AP3B1: variants seen among roughly 807,000 people sequenced by gnomAD.
AP3B1 encodes adaptor related protein complex 3 subunit beta 1, also known as AP-3 complex subunit beta-1.
Under a neutral mutation model 132.5 loss-of-function variants are expected in AP3B1, and 61 were observed. The observed-to-expected ratio is 0.46, with a 90% CI of 0.37 to 0.57. The LOEUF (loss-of-function observed/expected upper bound fraction) is 0.57. AP3B1 is among the 20% of genes least tolerant of loss of function. The pLI is 0.00. For synonymous variants in AP3B1, 388 were observed against 438.3 expected, an observed-to-expected ratio of 0.89 and a Z score of 1.43; for missense variants, 1,120 against 1,289.4, an observed-to-expected ratio of 0.87 and a Z score of 2.01.
intron 3 of AP3B1, among the ~76,000 whole-genome samples, chr5:78,230,099 T>C (rs1746579956): frequency 1.3e-5 from 2 of 152,168 alleles, no homozygotes; most frequent in African/African-American, 4.8e-5. Context: ...TCCACAGATA[T>C]GACTAATTCT....
At chr5:78,102,123 TAATA>T (rs1401952893) in intron 20 of AP3B1, among the ~76,000 whole-genome samples, 1 of 152,126 alleles carries the variant, frequency 6.6e-6, no homozygotes, top group Non-Finnish European at 1.5e-5. Context: ...GCTAATGTGC[TAATA>T]AATATTTTTG....
At chr5:78,045,113 G>A (rs1010179749) in intron 22 of AP3B1, among the ~76,000 whole-genome samples, 2 of 152,064 alleles carry the variant, frequency 1.3e-5, no homozygotes, top group Admixed American at 6.6e-5. Context: ...AGGTGTGGTG[G>A]CTCATGCCTG....
At chr5:78,041,568 A>T (rs1363096004) in intron 22 of AP3B1, among the ~76,000 whole-genome samples, 1 of 151,584 alleles carries the variant, frequency 6.6e-6, no homozygotes, top group Non-Finnish European at 1.5e-5. Flanking sequence ...CAAAAAAAAA[A>T]TAATAATAAT....
chr5:78,038,935 T>A (rs776019289), intron 23 of AP3B1, 108 bp downstream of exon 23: 41 of 695,908 alleles, frequency 5.9e-5, no homozygotes, highest in Non-Finnish European at 6.5e-5. Flanking sequence ...GTCAATACAA[T>A]CATATTCTAC....
intron 21 of AP3B1, among the ~76,000 whole-genome samples, chr5:78,093,015 TTTATC>T (rs1750596680): frequency 3.3e-5 from 5 of 152,294 alleles, no homozygotes; most frequent in African/African-American, 1.2e-4. Context: ...CTTCTGGAAA[TTTATC>T]TTAAGGAAAC....
At chr5:78,226,892 T>C (rs1280437831) in intron 5 of AP3B1, among the ~76,000 whole-genome samples, 1 of 152,054 alleles carries the variant, frequency 6.6e-6, no homozygotes, top group Non-Finnish European at 1.5e-5. Context: ...CACTACACTT[T>C]TTAAAATTAC....
chr5:78,221,344 C>T (rs904070821), intron 6 of AP3B1, among the ~76,000 whole-genome samples: 44 of 151,658 alleles, frequency 2.9e-4, no homozygotes, highest in African/African-American at 1.0e-3. Flanking sequence ...CAAAAATTAC[C>T]GACAAAGAAA....
intron 15 of AP3B1, among the ~76,000 whole-genome samples, chr5:78,140,575 G>A (rs1299972611): frequency 6.6e-6 from 1 of 152,120 alleles, no homozygotes. Flanking sequence ...TTTTCTAAGA[G>A]CATAAAGTTC....
At chr5:78,003,082 T>C (rs778685628) in intron 26 of AP3B1, 27 bp from the exon 27 acceptor site, 30 of 1,612,010 alleles carry the variant, frequency 1.9e-5, no homozygotes, top group Non-Finnish European at 2.2e-5. Context: ...AGAGACCTTT[T>C]ATCATAAGAT....
At chr5:78,292,466 A>T (rs1255145676) in intron 1 of AP3B1, among the ~76,000 whole-genome samples, 1 of 152,196 alleles carries the variant, frequency 6.6e-6, no homozygotes, top group African/African-American at 2.4e-5. Context: ...TAAGTAGCAC[A>T]TCTAAACTTT....
intron 3 of AP3B1, 58 bp downstream of exon 3, chr5:78,240,804 A>C (rs970621746): frequency 2.2e-5 from 26 of 1,186,922 alleles, no homozygotes; most frequent in Non-Finnish European, 2.0e-5. Context: ...ACTACATAAA[A>C]AGTGTACGGT....
intron 7 of AP3B1, among the ~76,000 whole-genome samples, chr5:78,211,706 T>C (rs1457577782): frequency 3.9e-5 from 6 of 152,180 alleles, no homozygotes; most frequent in Admixed American, 3.9e-4. Context: ...GCACTATGGA[T>C]TGGGAGCCTC....
intron 1 of AP3B1, among the ~76,000 whole-genome samples, chr5:78,268,851 A>G (rs1428883089): frequency 6.6e-6 from 1 of 152,214 alleles, no homozygotes; most frequent in East Asian, 1.9e-4. Flanking sequence ...CAGGGAAGAG[A>G]CAAGAAAAAT....
intron 22 of AP3B1, among the ~76,000 whole-genome samples, chr5:78,054,061 A>G (rs141650327): frequency 6.6e-6 from 1 of 152,304 alleles, no homozygotes; most frequent in Non-Finnish European, 1.5e-5. Context: ...GGACACTAGC[A>G]CCTATCTTTC....
Position 78,129,236 on chromosome 5 carries a change from T to G in AP3B1, c.1722A>C (p.Thr574=), listed in dbSNP as rs754956851. 4.3e-6 allele frequency: 7 copies of G among 1,613,342 alleles called. No individual in the cohort carries two copies. The highest frequency in any genetic ancestry group is 1.7e-5 in the Admixed American group (1 of 59,988). Reference sequence around the variant, plus strand: ...GAACAATAAGCTGCCTAATAAATCTTGTACGGTCTCTGATGTCGTAGTTTT... The same window carrying G: ...GAACAATAAGCTGCCTAATAAATCTGGTACGGTCTCTGATGTCGTAGTTTT... The part of the protein sequence containing the change: ...YDQNYDIRDR[T]RFIRQLIVPN... The change falls in exon 16 of 27, where the codon ACA becomes ACC. Residue 574 remains threonine, a synonymous_variant. Transcript: ENST00000255194.
intron 20 of AP3B1, 25 bp from the exon 21 acceptor site, chr5:78,101,050 T>C: frequency 7.4e-7 from 1 of 1,344,928 alleles, no homozygotes; most frequent in Non-Finnish European, 1.0e-6. Context: ...ATATTTCATT[T>C]ATCACACGTT....
At chr5:78,282,057 T>C (rs1749080776) in intron 1 of AP3B1, among the ~76,000 whole-genome samples, 1 of 152,190 alleles carries the variant, frequency 6.6e-6, no homozygotes, top group Non-Finnish European at 1.5e-5. Flanking sequence ...AAAGCCAAAG[T>C]TCTTCGGAGA....
At chr5:78,073,489 T>C (rs1249545649) in intron 22 of AP3B1, among the ~76,000 whole-genome samples, 2 of 152,324 alleles carry the variant, frequency 1.3e-5, no homozygotes, top group East Asian at 1.9e-4. Flanking sequence ...ATTTGAAATA[T>C]AGCAATTCAT....
intron 3 of AP3B1, among the ~76,000 whole-genome samples, chr5:78,229,104 T>A (rs535796122): frequency 6.0e-4 from 92 of 152,102 alleles, no homozygotes; most frequent in Admixed American, 6.5e-4. Flanking sequence ...GGCTTTTTTT[T>A]AGGATTTTAT....
Sources: gnomAD v4.1 joint callset for allele counts (sites outside exome capture counted in the v4.1 genomes callset) on GRCh38, gnomAD v4.1.1 for gene constraint, MANE v1.5 for transcripts, NCBI Gene and HGNC (gene_info 2026-07-23, HGNC 2026-07-21) for gene names.